The following TRMT61B variants were observed in gnomAD, a reference collection of about 807,000 sequenced individuals.
TRMT61B encodes the protein tRNA (adenine(58)-N(1))-methyltransferase, mitochondrial.
In TRMT61B, 56 loss-of-function variants were observed where a neutral mutation model predicts 52.0. The ratio of observed to expected loss-of-function variants is 1.08; its 90% CI spans 0.87 to 1.35. The LOEUF (loss-of-function observed/expected upper bound fraction) is 1.35. Among genes scored for constraint, TRMT61B ranks in the 40% most tolerant of loss-of-function variants. TRMT61B has a pLI of 0.00. For missense variants in TRMT61B, 650 were observed against 577.9 expected (o/e 1.12, Z -1.28); for synonymous variants, 206 against 220.0 (o/e 0.94, Z 0.56).
At chr2:28,851,404 G>A (rs1669092257) in intron 4 of TRMT61B, 106 bp from the exon 5 acceptor site, 7 of 749,948 alleles carry the variant, frequency 9.3e-6, no homozygotes, top group Non-Finnish European at 1.4e-5. Flanking sequence ...GTTAAATTAA[G>A]GCAGGAGAGG....
At chr2:28,852,533 G>T in intron 3 of TRMT61B, 34 bp from the exon 4 acceptor site, 2 of 1,371,258 alleles carry the variant, frequency 1.5e-6, no homozygotes, top group South Asian at 1.2e-5. Context: ...GGATCAGTCT[G>T]ATTCCGTTTA....
At position 28,868,098 on chromosome 2, in the gene TRMT61B, A is replaced by C. The variant is rs149929477; in HGVS notation, c.699+1481T>G. Among the ~76,000 whole-genome samples the C allele has an allele frequency of 9.5e-4, 145 of 152,244 alleles. 1 individual carries two copies. The East Asian group carries it at 0.027, about 29-fold the overall frequency. On this transcript the variant is annotated intron_variant, in intron 1 of 6. Transcript: ENST00000306108. Reference sequence around the variant, plus strand: ...ACCTCAGTAGCCTAAGTTTCTGAGGAAAGTTTTTTTAGTCCCTGGGTAGAC... The same window carrying C: ...ACCTCAGTAGCCTAAGTTTCTGAGGCAAGTTTTTTTAGTCCCTGGGTAGAC...
At chr2:28,862,471 G>A (rs879192370) in intron 2 of TRMT61B, among the ~76,000 whole-genome samples, 2 of 150,202 alleles carry the variant, frequency 1.3e-5, no homozygotes, top group African/African-American at 2.4e-5. Flanking sequence ...CAGCTGGGAC[G>A]ACAGGTGTGT....
chr2:28,857,281 GT>G (rs1408078078), intron 3 of TRMT61B, among the ~76,000 whole-genome samples: 1 of 150,954 alleles, frequency 6.6e-6, no homozygotes, highest in Non-Finnish European at 1.5e-5. Context: ...TTCATTTTTT[GT>G]TTTCAAAAGC....
At chr2:28,866,674 A>G (rs1029559339) in intron 1 of TRMT61B, among the ~76,000 whole-genome samples, 2 of 152,188 alleles carry the variant, frequency 1.3e-5, no homozygotes, top group African/African-American at 4.8e-5. Flanking sequence ...GCCCTGCTAT[A>G]TAAGAAAAAA....
At position 28,869,878 on chromosome 2, in the gene TRMT61B, C is replaced by T; in HGVS notation, c.400G>A (p.Val134Ile). The change falls in exon 1 of 7, where the codon GTC becomes ATC. Residue 134 changes from valine (V) to isoleucine (I), a missense_variant. Val to Ile is a conservative substitution (Grantham distance 29, BLOSUM62 3). Coordinates refer to ENST00000306108, the MANE Select transcript of TRMT61B (RefSeq NM_017910.4). ...MLSQAQSATE[V>I]EERHVSPSCS... ...GAAGGGGAGACGTGACGCTCTTCGACCTCGGTAGCGGACTGGGCCTGCGAG... is the reference window on the plus strand; with the variant it reads ...GAAGGGGAGACGTGACGCTCTTCGATCTCGGTAGCGGACTGGGCCTGCGAG... 1 of 1,614,192 alleles carries T rather than the reference C, an allele frequency of 6.2e-7. No individual in the cohort carries two copies.
At chr2:28,864,720 C>T (rs1447626086) in intron 2 of TRMT61B, among the ~76,000 whole-genome samples, 2 of 151,948 alleles carry the variant, frequency 1.3e-5, no homozygotes, top group Non-Finnish European at 2.9e-5. Context: ...TTATGATCTG[C>T]ACACTTTTCT....
At chr2:28,864,965 C>T in intron 2 of TRMT61B, 52 bp downstream of exon 2, 1 of 1,087,486 alleles carries the variant, frequency 9.2e-7, no homozygotes, top group Non-Finnish European at 1.4e-6. Context: ...TTATTATGAA[C>T]AAATTGAATG....
Position 28,858,727 on chromosome 2 carries a change from G to A in TRMT61B, c.993+2391C>T, listed in dbSNP as rs568693130. 7.5e-5 allele frequency among the ~76,000 whole-genome samples: 11 copies of A among 146,410 alleles called. No homozygotes were observed. The East Asian group carries it at 1.3e-3, about 17-fold the overall frequency. On this transcript the variant is annotated intron_variant, in intron 3 of 6. Transcript: ENST00000306108. ...CGAGAATCGCTTGAACCCGGGAGGCGGAGGTTGCAGTGAGCCAAGATCATA... is the reference window on the plus strand; with the variant it reads ...CGAGAATCGCTTGAACCCGGGAGGCAGAGGTTGCAGTGAGCCAAGATCATA...
Position 28,852,407 on chromosome 2 carries a change from C to T in TRMT61B, c.1085+1G>A, listed in dbSNP as rs1443438783. 3.2e-6 allele frequency: 5 copies of T among 1,561,348 alleles called. No individual in the cohort carries two copies. Among genetic ancestry groups the T allele is most frequent in the Non-Finnish European group, 4.4e-6 (5 of 1,142,258 alleles). On this transcript the variant is annotated splice_donor_variant, in intron 4 of 6. Transcript: ENST00000306108. LOFTEE classifies it high-confidence loss of function. ...CAAAGAAAAACAGTTATATTACTCA[C>T]TTTACTACATATACAGCACATACAC...
chr2:28,867,663 C>A (rs1669905780), intron 1 of TRMT61B, among the ~76,000 whole-genome samples: 1 of 152,108 alleles, frequency 6.6e-6, no homozygotes. Context: ...TTTATAACTT[C>A]ATGAAATGTA....
intron 5 of TRMT61B, chr2:28,850,760 T>A (rs1572526560): frequency 3.1e-6 from 1 of 320,738 alleles, no homozygotes; most frequent in East Asian, 5.8e-5. Flanking sequence ...GCTATTTGCC[T>A]ATCAGGTCCC....
chr2:28,860,966 A>T, intron 3 of TRMT61B, 152 bp downstream of exon 3: 1 of 611,334 alleles, frequency 1.6e-6, no homozygotes, highest in Non-Finnish European at 2.6e-6. Context: ...TCCCACCATG[A>T]GATTAAAAGG....
chr2:28,865,929 C>T (rs1669823882), intron 1 of TRMT61B, among the ~76,000 whole-genome samples: 2 of 151,700 alleles, frequency 1.3e-5, no homozygotes, highest in Admixed American at 1.3e-4. Context: ...GATCCGCTCG[C>T]CTCAGCCTCC....
intron 1 of TRMT61B, among the ~76,000 whole-genome samples, chr2:28,868,825 C>A (rs1197220402): frequency 6.6e-6 from 1 of 152,158 alleles, no homozygotes; most frequent in Non-Finnish European, 1.5e-5. Flanking sequence ...CCAGCCTGGG[C>A]AATAAGGCGA....
intron 3 of TRMT61B, among the ~76,000 whole-genome samples, chr2:28,860,695 A>G (rs1224231521): frequency 1.3e-5 from 2 of 152,142 alleles, no homozygotes; most frequent in Admixed American, 1.3e-4. Context: ...TCCCCTTGAT[A>G]TCCTGACTTC....
intron 3 of TRMT61B, among the ~76,000 whole-genome samples, chr2:28,855,739 C>T (rs989649682): frequency 1.4e-4 from 21 of 152,106 alleles, no homozygotes; most frequent in African/African-American, 4.3e-4. Flanking sequence ...GAGGCCGAGG[C>T]GGGTGGATCA....
chr2:28,859,363 G>C (rs186809274), intron 3 of TRMT61B, among the ~76,000 whole-genome samples: 64 of 152,326 alleles, frequency 4.2e-4, no homozygotes, highest in African/African-American at 1.5e-3. Flanking sequence ...TTACAGGCGT[G>C]AGCCACTGTG....
At chr2:28,864,517 T>A (rs534743932) in intron 2 of TRMT61B, among the ~76,000 whole-genome samples, 1 of 152,316 alleles carries the variant, frequency 6.6e-6, no homozygotes, top group East Asian at 1.9e-4. Flanking sequence ...ACTGTATGAT[T>A]CCATTTTATA....
Sources: allele counts gnomAD v4.1 joint callset (sites outside exome capture counted in the v4.1 genomes callset), GRCh38; gene constraint gnomAD v4.1.1; transcripts MANE v1.5; gene names NCBI Gene and HGNC (gene_info 2026-07-23, HGNC 2026-07-21).